EEIG2: variants seen among roughly 807,000 people sequenced by gnomAD.
EEIG2 encodes the protein family with sequence similarity 102 member B.
the EEIG2 span, among the ~76,000 whole-genome samples, chr1:108,579,772 T>TGTGTGAGAGAGAGAGAGAGAGAGAGAGA: frequency 3.6e-4 from 21 of 58,868 alleles, no homozygotes; most frequent in South Asian, 1.8e-3. Flanking sequence ...TGTGTGTGTG[T>TGTGTGAGAGAGAGAGAGAGAGAGAGAGA]GAGAGAGAGA....
the EEIG2 span, chr1:108,606,249 A>G: frequency 3.2e-6 from 5 of 1,566,542 alleles, no homozygotes. Context: ...AAGCTTATGC[A>G]AAGGTAAGCA....
At chr1:108,571,094 T>G in the EEIG2 span, among the ~76,000 whole-genome samples, 5 of 152,138 alleles carry the variant, frequency 3.3e-5, no homozygotes, top group Admixed American at 6.5e-5. Flanking sequence ...GCCAGAATGA[T>G]TGCAGGTGTT....
chr1:108,594,164 G>GT, the EEIG2 span, among the ~76,000 whole-genome samples: 1 of 151,890 alleles, frequency 6.6e-6, no homozygotes, highest in Non-Finnish European at 1.5e-5. Context: ...GTCCATCAGA[G>GT]TAAAAAAAAT....
the EEIG2 span, chr1:108,626,033 T>G: frequency 2.6e-5 from 4 of 152,190 alleles, no homozygotes; most frequent in African/African-American, 9.7e-5. Flanking sequence ...TGATGGCCAG[T>G]TATTCATTCT....
chr1:108,570,254 GAC>G, the EEIG2 span, among the ~76,000 whole-genome samples: 1 of 152,156 alleles, frequency 6.6e-6, no homozygotes, highest in East Asian at 1.9e-4. Context: ...GGGAACAGAA[GAC>G]ACAGTGACAT....
the EEIG2 span, among the ~76,000 whole-genome samples, chr1:108,603,343 G>A: frequency 6.6e-6 from 1 of 152,182 alleles, no homozygotes; most frequent in Non-Finnish European, 1.5e-5. Context: ...GAAATCTGGG[G>A]ACAACCAAAG....
the EEIG2 span, among the ~76,000 whole-genome samples, chr1:108,575,893 A>G: frequency 9.6e-3 from 1,463 of 152,332 alleles, 23 homozygotes; most frequent in African/African-American, 0.033. Flanking sequence ...GACTGGCGAT[A>G]GTTTCACAAA....
chr1:108,609,175 A>G, the EEIG2 span, among the ~76,000 whole-genome samples: 1 of 152,210 alleles, frequency 6.6e-6, no homozygotes, highest in Non-Finnish European at 1.5e-5. Context: ...ACAATAGTAG[A>G]TGGTAAGCCA....
chr1:108,627,179 A>G, the EEIG2 span: 5,368 of 152,326 alleles, frequency 0.035, 122 homozygotes, highest in Middle Eastern at 0.088. Context: ...AGAGCGCTGC[A>G]TAACTCGATA....
the EEIG2 span, chr1:108,612,227 C>G: frequency 2.5e-6 from 4 of 1,613,476 alleles, no homozygotes; most frequent in Non-Finnish European, 3.4e-6. Context: ...TCAGGAAATA[C>G]CACTCGCCGC....
chr1:108,597,165 T>G, the EEIG2 span, among the ~76,000 whole-genome samples: 1 of 152,184 alleles, frequency 6.6e-6, no homozygotes, highest in Non-Finnish European at 1.5e-5. Context: ...ATCTCAGATT[T>G]TTATTGTAGG....
At chr1:108,629,985 TTTA>T in the EEIG2 span, among the ~76,000 whole-genome samples, 7 of 152,208 alleles carry the variant, frequency 4.6e-5, no homozygotes, top group Non-Finnish European at 1.0e-4. Flanking sequence ...ACATTAATTT[TTTA>T]TTAATTTATT....
the EEIG2 span, chr1:108,635,338 C>T: frequency 1.5e-6 from 1 of 655,026 alleles, no homozygotes; most frequent in Non-Finnish European, 2.6e-6. Flanking sequence ...ATCTACATGG[C>T]AGTCTCCAGG....
the EEIG2 span, among the ~76,000 whole-genome samples, chr1:108,579,796 A>AGAGAGAGAGAGAGAGAGAG: frequency 1.3e-5 from 2 of 149,030 alleles, no homozygotes; most frequent in Non-Finnish European, 3.0e-5. Context: ...AGAGAGAGAG[A>AGAGAGAGAGAGAGAGAGAG]AAGAAACCCA....
chr1:108,616,697 C>T, the EEIG2 span, among the ~76,000 whole-genome samples: 1 of 152,052 alleles, frequency 6.6e-6, no homozygotes, highest in Admixed American at 6.6e-5. Context: ...TTTAATACGG[C>T]TTCTGTGAAC....
At chr1:108,619,301 A>G in the EEIG2 span, among the ~76,000 whole-genome samples, 1 of 152,172 alleles carries the variant, frequency 6.6e-6, no homozygotes, top group Non-Finnish European at 1.5e-5. Flanking sequence ...AATACATAAA[A>G]TATTTTTCAA....
At chr1:108,560,305 C>T in the EEIG2 span, 7 of 758,360 alleles carry the variant, frequency 9.2e-6, no homozygotes, top group Non-Finnish European at 1.1e-5. Flanking sequence ...TGCGGCGCCC[C>T]CCGGCCGCGC....
At chr1:108,575,735 T>C in the EEIG2 span, among the ~76,000 whole-genome samples, 2 of 152,212 alleles carry the variant, frequency 1.3e-5, no homozygotes, top group Admixed American at 6.5e-5. Context: ...TATGATTCAA[T>C]TGATATAAAA....
At chr1:108,607,329 G>A in the EEIG2 span, among the ~76,000 whole-genome samples, 1 of 152,132 alleles carries the variant, frequency 6.6e-6, no homozygotes, top group Non-Finnish European at 1.5e-5. Context: ...GTGAGGAAAT[G>A]TTTCCTAGAT....
Sources: allele counts gnomAD v4.1 joint callset (sites outside exome capture counted in the v4.1 genomes callset), GRCh38; gene constraint gnomAD v4.1.1; transcripts MANE v1.5; gene names NCBI Gene and HGNC (gene_info 2026-07-23, HGNC 2026-07-21).